GFRA3: variants seen among roughly 807,000 people sequenced by gnomAD.
GFRA3 encodes GDNF family receptor alpha 3.
A neutral mutation model predicts 40.0 loss-of-function variants in GFRA3; 24 were observed. The ratio of observed to expected loss-of-function variants is 0.60; its 90% CI spans 0.43 to 0.84. The LOEUF is 0.84. Ranked by LOEUF, GFRA3 falls within the 40% of genes least tolerant of loss-of-function variation. GFRA3 has a pLI of 0.00. For missense variants in GFRA3, 405 were observed against 530.6 expected, an observed-to-expected ratio of 0.76 and a Z score of 2.33; for synonymous variants, 203 against 213.5, an observed-to-expected ratio of 0.95 and a Z score of 0.43.
chr5:138,264,618 G>T, intron 1 of GFRA3, 70 bp from the exon 2 acceptor site: 2 of 1,029,826 alleles, frequency 1.9e-6, no homozygotes, highest in Non-Finnish European at 2.9e-6. Context: ...AAGTCATGAG[G>T]TTGGGAGAGG....
chr5:138,268,706 C>T (rs919495898), intron 1 of GFRA3, among the ~76,000 whole-genome samples: 1 of 151,950 alleles, frequency 6.6e-6, no homozygotes, highest in East Asian at 1.9e-4. Context: ...CTGACTAACA[C>T]GATGAAACCC....
intron 1 of GFRA3, among the ~76,000 whole-genome samples, chr5:138,269,474 T>C (rs954986995): frequency 1.2e-4 from 18 of 151,226 alleles, no homozygotes; most frequent in South Asian, 8.4e-4. Context: ...AGGCGGAGGT[T>C]TCAGTGAGCC....
At chr5:138,271,156 C>T (rs1167514336) in intron 1 of GFRA3, among the ~76,000 whole-genome samples, 2 of 152,134 alleles carry the variant, frequency 1.3e-5, no homozygotes, top group South Asian at 2.1e-4. Context: ...CCATGCCTGG[C>T]TAATTTTGTA....
intron 3 of GFRA3, 61 bp downstream of exon 3, chr5:138,259,496 C>A (rs1755681353): frequency 6.2e-6 from 5 of 808,540 alleles, no homozygotes; most frequent in Middle Eastern, 2.3e-4. Flanking sequence ...CCCTCCCCAG[C>A]CACCCTTCCT....
chr5:138,256,471 T>C (rs1308379261), intron 4 of GFRA3, among the ~76,000 whole-genome samples: 2 of 148,606 alleles, frequency 1.3e-5, no homozygotes, highest in Non-Finnish European at 3.0e-5. Flanking sequence ...GAGGTTGCAG[T>C]GAGCCGAGAC....
At chr5:138,258,441 C>G (rs1320858046) in intron 3 of GFRA3, among the ~76,000 whole-genome samples, 1 of 152,086 alleles carries the variant, frequency 6.6e-6, no homozygotes, top group African/African-American at 2.4e-5. Context: ...CTCGGCCTCC[C>G]AAAGTGCTGG....
chr5:138,253,746 A>G lies in GFRA3; in HGVS notation c.1024+20T>C, dbSNP rs932298319. The G allele has an allele frequency of 6.2e-6, 10 of 1,610,354 alleles. No homozygotes were observed. Among genetic ancestry groups the G allele is most frequent in the South Asian group, 1.1e-5 (1 of 90,852 alleles). On this transcript the variant is annotated intron_variant, in intron 6 of 7. Coordinates refer to ENST00000274721, the MANE Select transcript of GFRA3 (RefSeq NM_001496.4). ...AGCTGACTCAGCCCCAGGGGCTGGG[A>G]GCAAGTACAGCACACTCACTGAGGC...
At chr5:138,255,665 G>T (rs2126611290) in intron 4 of GFRA3, among the ~76,000 whole-genome samples, 1 of 152,230 alleles carries the variant, frequency 6.6e-6, no homozygotes. Flanking sequence ...TTGGGAGGCT[G>T]AAGTGGGCTG....
intron 1 of GFRA3, among the ~76,000 whole-genome samples, chr5:138,272,755 G>A (rs1392215361): frequency 6.6e-6 from 1 of 152,074 alleles, no homozygotes; most frequent in Non-Finnish European, 1.5e-5. Context: ...CTTTTGACAA[G>A]TCATGCCTTT....
At chr5:138,259,229 G>C (rs1304087733) in intron 3 of GFRA3, among the ~76,000 whole-genome samples, 1 of 152,246 alleles carries the variant, frequency 6.6e-6, no homozygotes, top group African/African-American at 2.4e-5. Context: ...TGCCTTGAAT[G>C]CAAGTAAATA....
In GFRA3 at chr5:138,264,398, G is replaced by A. The variant is rs749208735; in HGVS notation, c.242C>T (p.Ser81Leu). 9 of 1,614,128 alleles carry A rather than the reference G, an allele frequency of 5.6e-6. No individual in the cohort carries two copies. Among genetic ancestry groups the A allele is most frequent in the Admixed American group, 1.7e-5 (1 of 60,012 alleles). The change falls in exon 2 of 8, where the codon TCG becomes TTG. Residue 81 changes from serine to leucine, a missense_variant. By Grantham distance (145) the Ser-to-Leu change is moderately radical. Coordinates refer to ENST00000274721, the MANE Select transcript of GFRA3 (RefSeq NM_001496.4). ...TGCCTCCAGGCAGTCAGCAGGGACCGAAGGCTCCTCTGAGGGCAGTGGGGT... is the reference window on the plus strand; with the variant it reads ...TGCCTCCAGGCAGTCAGCAGGGACCAAAGGCTCCTCTGAGGGCAGTGGGGT... ...ISTPLPSEEP[S>L]VPADCLEAAQ...
At chr5:138,271,899 T>TGTGTGTGTGTGTG (rs1554111191) in intron 1 of GFRA3, among the ~76,000 whole-genome samples, 1 of 101,322 alleles carries the variant, frequency 9.9e-6, no homozygotes, top group Non-Finnish European at 2.1e-5. Flanking sequence ...TCTGTTTTTT[T>TGTGTGTGTGTGTG]TTTTTTTTTT....
chr5:138,255,815 G>A (rs775030488), intron 4 of GFRA3, among the ~76,000 whole-genome samples: 7 of 150,898 alleles, frequency 4.6e-5, no homozygotes, highest in Admixed American at 1.3e-4. Context: ...CTGGAGAATC[G>A]CTTGAACCCA....
chr5:138,268,762 C>G (rs149570390), intron 1 of GFRA3, among the ~76,000 whole-genome samples: 2 of 151,636 alleles, frequency 1.3e-5, no homozygotes, highest in Admixed American at 1.3e-4. Context: ...TGGAGGCGAG[C>G]GCCTGTAGTC....
intron 1 of GFRA3, among the ~76,000 whole-genome samples, chr5:138,265,350 G>A (rs1755768829): frequency 6.6e-6 from 1 of 151,924 alleles, no homozygotes; most frequent in African/African-American, 2.4e-5. Context: ...CCGTGTAGCT[G>A]GGATTACAGG....
chr5:138,252,771 C>A lies in GFRA3; in HGVS notation c.*197G>T. ...AATTGTGGCCACCAAGGAGGGGCAG[C>A]ATGAATCAGAAGTGGAGATGGGGTG... On this transcript the variant is annotated 3_prime_UTR_variant, in exon 8 of 8. Coordinates refer to ENST00000274721, the MANE Select transcript of GFRA3 (RefSeq NM_001496.4). 2.1e-6 allele frequency: 1 copy of A among 482,120 alleles called. No individual in the cohort carries two copies. The highest frequency in any genetic ancestry group is 3.4e-5 in the East Asian group (1 of 29,722). 29.9% of individuals were successfully genotyped at this position (482,120 alleles called of 1,614,324 possible).
At chr5:138,267,626 A>C in intron 1 of GFRA3, 1 of 212,608 alleles carries the variant, frequency 4.7e-6, no homozygotes, top group South Asian at 8.6e-5. Context: ...CTTGCCAGCA[A>C]AGATCAGTCT....
chr5:138,268,284 GAAAAAAAA>G (rs60958894), intron 1 of GFRA3, among the ~76,000 whole-genome samples: 1 of 33,148 alleles, frequency 3.0e-5, no homozygotes, highest in African/African-American at 1.1e-4. Flanking sequence ...GACTCCATCT[GAAAAAAAA>G]AAAAAAAAAG....
At chr5:138,253,243 C>A in intron 7 of GFRA3, 44 bp downstream of exon 7, 1 of 1,327,022 alleles carries the variant, frequency 7.5e-7, no homozygotes, top group Non-Finnish European at 1.1e-6. Flanking sequence ...TTTTCCCCAG[C>A]CGGCCCAGTA....
Sources: allele counts gnomAD v4.1 joint callset (sites outside exome capture counted in the v4.1 genomes callset), GRCh38; gene constraint gnomAD v4.1.1; transcripts MANE v1.5; gene names NCBI Gene and HGNC (gene_info 2026-07-23, HGNC 2026-07-21).